The following GLIS1 variants were observed in gnomAD, a reference collection of about 807,000 sequenced individuals.
GLIS1 encodes GLIS family zinc finger 1, also known as zinc finger protein GLIS1.
A neutral mutation model predicts 63.8 loss-of-function variants in GLIS1; 24 were observed. That is an observed-to-expected ratio of 0.38 (90% CI 0.27 to 0.53). The LOEUF (loss-of-function observed/expected upper bound fraction) is 0.53, where lower values mean the gene tolerates loss of function less well. Among genes scored for constraint, GLIS1 ranks in the 20% least tolerant of loss-of-function variants. GLIS1 has a pLI of 0.85. For synonymous variants in GLIS1, 450 were observed against 482.5 expected, an observed-to-expected ratio of 0.93 and a Z score of 0.88; for missense variants, 1,036 against 1,074.1, an observed-to-expected ratio of 0.96 and a Z score of 0.50.
intron 4 of GLIS1, among the ~76,000 whole-genome samples, chr1:53,578,091 C>A (rs1457568445): frequency 2.6e-5 from 4 of 152,128 alleles, no homozygotes; most frequent in Non-Finnish European, 5.9e-5. Context: ...CCCTCGGGGA[C>A]CTTGGAGTCC....
chr1:53,565,120 T>C (rs1557453518), intron 4 of GLIS1, among the ~76,000 whole-genome samples: 2 of 151,946 alleles, frequency 1.3e-5, no homozygotes, highest in Non-Finnish European at 2.9e-5. Flanking sequence ...GTTTGGAAAA[T>C]TAAAGGCCCA....
intron 2 of GLIS1, among the ~76,000 whole-genome samples, chr1:53,730,635 T>C (rs891563136): frequency 3.9e-5 from 6 of 152,162 alleles, no homozygotes; most frequent in Non-Finnish European, 8.8e-5. Flanking sequence ...GGGCCATCCC[T>C]TGTACTTCAT....
chr1:53,613,449 A>G (rs1011361851), intron 2 of GLIS1, among the ~76,000 whole-genome samples: 1 of 152,222 alleles, frequency 6.6e-6, no homozygotes, highest in African/African-American at 2.4e-5. Context: ...TATAACAGAA[A>G]AGAATAGGAG....
chr1:53,622,576 T>G (rs762448363), intron 2 of GLIS1, among the ~76,000 whole-genome samples: 8 of 152,090 alleles, frequency 5.3e-5, no homozygotes, highest in Non-Finnish European at 1.2e-4. Context: ...CACCCTGGAC[T>G]ATCCCAGTGG....
chr1:53,559,390 T>G (rs1644863029), intron 4 of GLIS1, among the ~76,000 whole-genome samples: 1 of 152,144 alleles, frequency 6.6e-6, no homozygotes, highest in Non-Finnish European at 1.5e-5. Flanking sequence ...GACTCTGAGA[T>G]GGAAGGATCC....
At chr1:53,525,464 G>T (rs1258902090) in intron 5 of GLIS1, among the ~76,000 whole-genome samples, 6 of 130 alleles carry the variant, frequency 0.046, no homozygotes, top group African/African-American at 0.17. Context: ...GGGCTGGGGA[G>T]GCTGGGGAGG....
chr1:53,703,640 A>T lies in GLIS1; in HGVS notation c.259+34166T>A, dbSNP rs979947063. 8.3e-3 allele frequency among the ~76,000 whole-genome samples: 1,003 copies of T among 120,244 alleles called. 11 individuals carry two copies. Among genetic ancestry groups the T allele is most frequent in the African/African-American group, 0.025 (738 of 29,756 alleles). The allele number at this position is 120,244 out of a possible 152,430, so 78.9% of individuals were successfully genotyped here. ...GATGACAGAGTGAGACCCTGTCTCTAAAAAAAAAAAAAAAAAAAAAAGCAT... is the reference window on the plus strand; with the variant it reads ...GATGACAGAGTGAGACCCTGTCTCTTAAAAAAAAAAAAAAAAAAAAAGCAT... On this transcript the variant is annotated intron_variant, in intron 2 of 10. Transcript: ENST00000628545.
chr1:53,546,514 G>A (rs1644700490), intron 4 of GLIS1, among the ~76,000 whole-genome samples: 1 of 152,182 alleles, frequency 6.6e-6, no homozygotes, highest in African/African-American at 2.4e-5. Context: ...AGCCTCTCTG[G>A]TCCTGGAGGT....
At position 53,672,554 on chromosome 1, in the gene GLIS1, T is replaced by C. The variant is rs576504223; in HGVS notation, c.259+65252A>G. 3.9e-5 allele frequency among the ~76,000 whole-genome samples: 6 copies of C among 152,304 alleles called. No individual in the cohort carries two copies. In the South Asian group the frequency reaches 1.2e-3, roughly 32 times the overall value. ...TAGTACTCAGAACATCCCCTATCAT[T>C]GGACTATTTATTCGGCTGTGAGTCT... On this transcript the variant is annotated intron_variant, in intron 2 of 10. Coordinates refer to ENST00000628545, the MANE Select transcript of GLIS1 (RefSeq NM_001367484.1).
intron 2 of GLIS1, among the ~76,000 whole-genome samples, chr1:53,670,883 G>GA (rs1557513735): frequency 6.6e-6 from 1 of 152,226 alleles, no homozygotes; most frequent in Non-Finnish European, 1.5e-5. Flanking sequence ...CATAGCGAAT[G>GA]AAAAGCAGGC....
chr1:53,553,389 T>C (rs568909807), intron 4 of GLIS1, among the ~76,000 whole-genome samples: 15 of 152,176 alleles, frequency 9.9e-5, no homozygotes, highest in Non-Finnish European at 1.6e-4. Context: ...CACCTATCCA[T>C]ACCACCAGGA....
rs1003642374 is a variant in GLIS1 at position 53,594,545 on chromosome 1, C to A, written c.883G>T (p.Ala295Ser). Reference sequence around the variant, plus strand: ...TCCGTCGATGCAGGGCCAGGCCGGGCCCGCTTGGAAGGGCCCCCCAGATCT... The same window carrying A: ...TCCGTCGATGCAGGGCCAGGCCGGGACCGCTTGGAAGGGCCCCCCAGATCT... Reference protein sequence around the residue: ...TGDLGGPSKRARPGPASTDSH... With the variant: ...TGDLGGPSKRSRPGPASTDSH... Residue 295 changes from alanine to serine, a missense_variant, in exon 4 of 11, where the codon GCC (alanine) becomes TCC (serine). Ala to Ser is a moderately conservative substitution (Grantham distance 99, BLOSUM62 1). Transcript: ENST00000628545. 1.9e-6 allele frequency: 3 copies of A among 1,604,602 alleles called. No individual in the cohort carries two copies. The highest frequency in any genetic ancestry group is 2.6e-6 in the Non-Finnish European group (3 of 1,173,214).
chr1:53,722,252 T>C (rs1439479473), intron 2 of GLIS1, among the ~76,000 whole-genome samples: 1 of 152,216 alleles, frequency 6.6e-6, no homozygotes, highest in African/African-American at 2.4e-5. Flanking sequence ...AGCCTAGTAA[T>C]TTCCACTTCT....
rs573397714 is a variant in GLIS1, at chr1:53,693,067, C to T, written c.259+44739G>A. Among the ~76,000 whole-genome samples, 12 of 152,296 alleles carry T rather than the reference C, an allele frequency of 7.9e-5. No individual in the cohort carries two copies. The South Asian group carries it at 1.7e-3, about 21-fold the overall frequency. On this transcript the variant is annotated intron_variant, in intron 2 of 10. Coordinates refer to ENST00000628545, the MANE Select transcript of GLIS1 (RefSeq NM_001367484.1). Reference sequence around the variant, plus strand: ...ACTTCACAGTGTGAGGGTGCTTCGTCGAGACCTCGTATCAACCCAGACAGA... The same window carrying T: ...ACTTCACAGTGTGAGGGTGCTTCGTTGAGACCTCGTATCAACCCAGACAGA...
chr1:53,670,586 A>G (rs995193400), intron 2 of GLIS1, among the ~76,000 whole-genome samples: 1 of 152,234 alleles, frequency 6.6e-6, no homozygotes, highest in Non-Finnish European at 1.5e-5. Context: ...CACCAGCCAC[A>G]TGAAATTCCA....
chr1:53,516,074 G>A (rs1163436909), intron 7 of GLIS1, among the ~76,000 whole-genome samples: 2 of 152,096 alleles, frequency 1.3e-5, no homozygotes, highest in African/African-American at 2.4e-5. Flanking sequence ...GGCTAGCCCG[G>A]GGCTGCACTG....
intron 2 of GLIS1, among the ~76,000 whole-genome samples, chr1:53,601,005 C>T (rs1645311901): frequency 6.6e-6 from 1 of 152,080 alleles, no homozygotes. Flanking sequence ...TTGTTCTAAG[C>T]TCCTTCCCCT....
At position 53,738,073 on chromosome 1, in the gene GLIS1, G is replaced by A; in HGVS notation, c.-9C>T. 8.1e-7 allele frequency: 1 copy of A among 1,230,298 alleles called. No individual in the cohort carries two copies. The allele number at this position is 1,230,298 out of a possible 1,614,324, so 76.2% of individuals were successfully genotyped here. A position where few individuals can be genotyped will look rare whatever the true frequency, so the allele number is the denominator to read the frequency against. On this transcript the variant is annotated 5_prime_UTR_variant, in exon 2 of 11. Coordinates refer to ENST00000628545, the MANE Select transcript of GLIS1 (RefSeq NM_001367484.1). The stretch of plus-strand genomic sequence containing the variant: ...GCCACCTCGCAATGCATGGCGCCGG[G>A]GCGGGGCGCACGGCTGGGGGTCGCG...
chr1:53,519,192 T>A (rs1644381993), intron 7 of GLIS1, among the ~76,000 whole-genome samples: 1 of 152,180 alleles, frequency 6.6e-6, no homozygotes, highest in South Asian at 2.1e-4. Flanking sequence ...TTAGCAATTC[T>A]GACCCTATGA....
Sources: allele counts gnomAD v4.1 joint callset (sites outside exome capture counted in the v4.1 genomes callset), GRCh38; gene constraint gnomAD v4.1.1; transcripts MANE v1.5; gene names NCBI Gene and HGNC (gene_info 2026-07-23, HGNC 2026-07-21).